The following FRY variants were observed in gnomAD, a reference collection of about 807,000 sequenced individuals.
The protein encoded by FRY is protein furry homolog.
FRY carries 128 observed loss-of-function variants against 348.4 expected under a neutral mutation model. That is an observed-to-expected ratio of 0.37 (90% CI 0.32 to 0.43). The LOEUF (loss-of-function observed/expected upper bound fraction) is 0.43. Ranked by LOEUF, FRY falls within the 20% of genes least tolerant of loss-of-function variation. The pLI is 1.00. For synonymous variants in FRY, 1,370 were observed against 1,374.7 expected, an observed-to-expected ratio of 1.00 and a Z score of 0.08; for missense variants, 2,736 against 3,695.2, an observed-to-expected ratio of 0.74 and a Z score of 6.73.
chr13:32,166,423 ATC>A (rs1881738434), intron 17 of FRY, among the ~76,000 whole-genome samples: 1 of 152,114 alleles, frequency 6.6e-6, no homozygotes, highest in African/African-American at 2.4e-5. Flanking sequence ...AGAGAAGGAG[ATC>A]TAATAGGATT....
chr13:32,086,134 A>C, intron 2 of FRY: 1 of 404,116 alleles, frequency 2.5e-6, no homozygotes, highest in Non-Finnish European at 4.9e-6. Flanking sequence ...TCAGAAAAAA[A>C]TAAGAACCGC....
intron 1 of FRY, among the ~76,000 whole-genome samples, chr13:32,035,056 G>A (rs1325911196): frequency 6.6e-6 from 1 of 152,186 alleles, no homozygotes; most frequent in African/African-American, 2.4e-5. Context: ...GAGGTATTAA[G>A]ATGTAAAGCA....
At chr13:32,208,519 T>A (rs962883381) in intron 31 of FRY, among the ~76,000 whole-genome samples, 1 of 152,254 alleles carries the variant, frequency 6.6e-6, no homozygotes, top group African/African-American at 2.4e-5. Context: ...GGATCTGGAA[T>A]CTGAACACAT....
In FRY at chr13:32,227,996, C is replaced by T. The variant is rs538289730; in HGVS notation, c.5207-460C>T. Among the ~76,000 whole-genome samples, 281 of 152,232 alleles carry T rather than the reference C, an allele frequency of 1.8e-3. 1 individual carries two copies. The highest frequency in any genetic ancestry group is 3.2e-3 in the Non-Finnish European group (216 of 68,002). ...CGATCTCCTGACCTTGTGATCCACC[C>T]GCCTCAGCCTCCCAAAGTGCTGGGA... On this transcript the variant is annotated intron_variant, in intron 39 of 60. Coordinates refer to ENST00000542859, the MANE Select transcript of FRY (RefSeq NM_023037.3).
At chr13:32,205,000 C>G (rs562765473) in intron 31 of FRY, among the ~76,000 whole-genome samples, 46 of 152,156 alleles carry the variant, frequency 3.0e-4, no homozygotes, top group Admixed American at 5.9e-4. Context: ...GCCAGGAGTT[C>G]GAGACCAGCC....
chr13:32,123,130 A>G (rs570490589), intron 4 of FRY, among the ~76,000 whole-genome samples: 2 of 152,190 alleles, frequency 1.3e-5, no homozygotes, highest in Non-Finnish European at 2.9e-5. Context: ...GCAATCTACT[A>G]ATTCAATGCA....
At chr13:32,180,059 C>T (rs1380076710) in intron 23 of FRY, among the ~76,000 whole-genome samples, 1 of 152,164 alleles carries the variant, frequency 6.6e-6, no homozygotes, top group Non-Finnish European at 1.5e-5. Flanking sequence ...TTTTAGACAA[C>T]TAAAAATGAA....
rs1887861195 is a variant in FRY at position 32,265,337 on chromosome 13, C to T, written c.7780-113C>T. The stretch of plus-strand genomic sequence containing the variant: ...ACTGTAGCTAGAAAACAAATGTCCC[C>T]ATTTCTATCACCATCAGCATTTCAG... On this transcript the variant is annotated intron_variant, in intron 53 of 60. Transcript: ENST00000542859. 2.3e-5 allele frequency: 23 copies of T among 1,020,064 alleles called. No homozygotes were observed. In the South Asian group the frequency reaches 2.9e-4, roughly 13 times the overall value. The allele number at this position is 1,020,064 out of a possible 1,614,324, so 63.2% of individuals were successfully genotyped here. A position where few individuals can be genotyped will look rare whatever the true frequency, so the allele number is the denominator to read the frequency against.
Position 32,286,733 on chromosome 13 carries a change from G to T in FRY, c.8470-2900G>T, listed in dbSNP as rs376009097. Among the ~76,000 whole-genome samples the T allele has an allele frequency of 5.3e-5, 5 of 94,826 alleles. No homozygotes were observed. In the East Asian group the frequency reaches 1.3e-3, roughly 24 times the overall value. The allele number at this position is 94,826 out of a possible 152,430, so 62.2% of individuals were successfully genotyped here. On this transcript the variant is annotated intron_variant, in intron 58 of 60. Coordinates refer to ENST00000542859, the MANE Select transcript of FRY (RefSeq NM_023037.3). ...CTGCACTCCAGCCTGGGGAGACAGA[G>T]CAAGACTCTGTCTCAAAAAAAAAAA...
At chr13:32,091,699 C>G (rs897269419) in intron 2 of FRY, among the ~76,000 whole-genome samples, 1 of 152,188 alleles carries the variant, frequency 6.6e-6, no homozygotes, top group East Asian at 1.9e-4. Context: ...GAAGAGAGAT[C>G]CTAATGGTGG....
chr13:32,234,466 T>C (rs1469897139), intron 41 of FRY, 108 bp from the exon 42 acceptor site: 17 of 949,348 alleles, frequency 1.8e-5, no homozygotes, highest in Non-Finnish European at 2.6e-5. Flanking sequence ...TAAGTACCAC[T>C]ACAAGGTAGC....
chr13:32,077,558 G>A (rs967058453), intron 1 of FRY, among the ~76,000 whole-genome samples: 2 of 152,318 alleles, frequency 1.3e-5, no homozygotes, highest in East Asian at 3.9e-4. Context: ...AATTACAAAG[G>A]AAGGGTAGGA....
At position 32,185,046 on chromosome 13, in the gene FRY, C is replaced by T. The variant is rs748849468; in HGVS notation, c.3217C>T (p.Arg1073Cys). The T allele has an allele frequency of 5.6e-6, 9 of 1,613,252 alleles. No individual in the cohort carries two copies. Among genetic ancestry groups the T allele is most frequent in the Non-Finnish European group, 7.6e-6 (9 of 1,179,370 alleles). ...ALFLEYVDLT[R>C]MLLEAENDKE... The stretch of plus-strand genomic sequence containing the variant: ...GTTCTTAGAATATGTGGACTTGACC[C>T]GCATGCTCCTAGAAGCTGAAAATGA... The change falls in exon 26 of 61, where the codon CGC becomes TGC. Residue 1073 changes from arginine to cysteine, a missense_variant. This residue lies in a region of FRY where 449 missense variants were observed against 576.9 expected (regional missense o/e 0.78). Coordinates refer to ENST00000542859, the MANE Select transcript of FRY (RefSeq NM_023037.3).
chr13:32,258,078 C>G (rs1032380429), intron 51 of FRY: 2 of 860,406 alleles, frequency 2.3e-6, no homozygotes, highest in African/African-American at 3.3e-5. Context: ...AATATATATG[C>G]TTATTTGCGT....
chr13:32,225,428 A>G (rs1023977509), intron 38 of FRY, among the ~76,000 whole-genome samples: 1 of 152,242 alleles, frequency 6.6e-6, no homozygotes, highest in African/African-American at 2.4e-5. Flanking sequence ...GGGAAGGGGA[A>G]CCAGCCAGGG....
At chr13:32,135,921 G>A (rs1479648575) in intron 10 of FRY, among the ~76,000 whole-genome samples, 4 of 152,032 alleles carry the variant, frequency 2.6e-5, no homozygotes, top group Admixed American at 6.6e-5. Flanking sequence ...TTGCTCATTC[G>A]TCTACATTCT....
intron 58 of FRY, among the ~76,000 whole-genome samples, chr13:32,281,804 G>A (rs1186463350): frequency 1.3e-5 from 2 of 152,176 alleles, no homozygotes; most frequent in African/African-American, 2.4e-5. Context: ...GGCAAGGCGG[G>A]GAGATTTGTT....
chr13:32,210,461 G>A (rs1484427329), intron 33 of FRY, among the ~76,000 whole-genome samples: 2 of 152,122 alleles, frequency 1.3e-5, no homozygotes, highest in African/African-American at 4.8e-5. Context: ...AAACTCATTT[G>A]TTTCTTGGGG....
chr13:32,178,825 T>C lies in FRY; in HGVS notation c.2682-19T>C, dbSNP rs762002156. On this transcript the variant is annotated intron_variant, in intron 21 of 60. Coordinates refer to ENST00000542859, the MANE Select transcript of FRY (RefSeq NM_023037.3). ...TCCAGAACTTAGTTTCACTCTTGTT[T>C]TCGACTCCATATTTCTAGTAGCCCA... 1 of 1,573,288 alleles carries C rather than the reference T, an allele frequency of 6.4e-7. No homozygotes were observed. The highest frequency in any genetic ancestry group is 8.8e-7 in the Non-Finnish European group (1 of 1,142,784).
Sources: allele counts gnomAD v4.1 joint callset (sites outside exome capture counted in the v4.1 genomes callset), GRCh38; gene constraint gnomAD v4.1.1; regional missense constraint gnomAD v4.1.1; transcripts MANE v1.5; gene names NCBI Gene and HGNC (gene_info 2026-07-23, HGNC 2026-07-21).